The following SGCG variants were observed in gnomAD, a reference collection of about 807,000 sequenced individuals.
SGCG encodes gamma-sarcoglycan.
SGCG carries 26 observed loss-of-function variants against 29.3 expected under a neutral mutation model. That is an observed-to-expected ratio of 0.89 (90% CI 0.65 to 1.23). SGCG has a LOEUF of 1.23. SGCG is among the 50% of genes most tolerant of loss of function. The pLI is 0.00. For synonymous variants in SGCG, 145 were observed against 129.7 expected (o/e 1.12, Z -0.80); for missense variants, 353 against 356.0 (o/e 0.99, Z 0.07).
intron 5 of SGCG, among the ~76,000 whole-genome samples, chr13:23,289,570 G>A (rs1881620966): frequency 1.3e-5 from 2 of 152,160 alleles, no homozygotes; most frequent in Admixed American, 1.3e-4. Flanking sequence ...TCTTTTGTAT[G>A]TGGCGTTTGG....
At chr13:23,300,540 A>G (rs1470834211) in intron 6 of SGCG, among the ~76,000 whole-genome samples, 1 of 152,116 alleles carries the variant, frequency 6.6e-6, no homozygotes, top group Non-Finnish European at 1.5e-5. Flanking sequence ...ATGTCACAAG[A>G]AAGATTGCTA....
chr13:23,282,072 T>G (rs1473847532), intron 5 of SGCG, among the ~76,000 whole-genome samples: 2 of 152,204 alleles, frequency 1.3e-5, no homozygotes, highest in Non-Finnish European at 2.9e-5. Flanking sequence ...ATGCTTTCCT[T>G]GTTATTTTGG....
intron 3 of SGCG, among the ~76,000 whole-genome samples, chr13:23,236,639 C>T (rs1403852745): frequency 6.6e-6 from 1 of 152,092 alleles, no homozygotes; most frequent in Non-Finnish European, 1.5e-5. Context: ...GATCATGCCA[C>T]TGCACTCCAG....
intron 6 of SGCG, among the ~76,000 whole-genome samples, chr13:23,303,955 A>G (rs1882271690): frequency 6.6e-6 from 1 of 152,144 alleles, no homozygotes; most frequent in Non-Finnish European, 1.5e-5. Flanking sequence ...TGCCAATCTG[A>G]TAGATTAGAA....
the SGCG span, among the ~76,000 whole-genome samples, chr13:23,165,920 C>T: frequency 6.6e-6 from 1 of 152,176 alleles, no homozygotes; most frequent in African/African-American, 2.4e-5. Context: ...TATAATTGCT[C>T]ATTAGTTCTA....
chr13:23,317,745 C>A (rs991637577), intron 6 of SGCG, among the ~76,000 whole-genome samples: 2 of 151,996 alleles, frequency 1.3e-5, no homozygotes, highest in African/African-American at 4.8e-5. Flanking sequence ...GTAATTATGA[C>A]CTTATTATCT....
intron 2 of SGCG, among the ~76,000 whole-genome samples, chr13:23,207,557 A>G (rs1489622379): frequency 6.6e-6 from 1 of 152,218 alleles, no homozygotes; most frequent in East Asian, 1.9e-4. Context: ...ATATTTGCAA[A>G]CTATATAACT....
In SGCG at chr13:23,319,636, C is replaced by G. The variant is rs140200827; in HGVS notation, c.579-1001C>G. On this transcript the variant is annotated intron_variant, in intron 6 of 7. Transcript: ENST00000218867. Reference sequence around the variant, plus strand: ...AGGGTACTTCTCTCTTAAGCCACTTCCCTTTCTCTCTGCTCCCTGCCCCTC... The same window carrying G: ...AGGGTACTTCTCTCTTAAGCCACTTGCCTTTCTCTCTGCTCCCTGCCCCTC... 3.1e-4 allele frequency among the ~76,000 whole-genome samples: 47 copies of G among 152,294 alleles called. 1 individual carries two copies. The highest frequency in any genetic ancestry group is 5.1e-4 in the Non-Finnish European group (35 of 68,014).
At chr13:23,192,693 G>T (rs1031161354) in intron 1 of SGCG, among the ~76,000 whole-genome samples, 10 of 152,224 alleles carry the variant, frequency 6.6e-5, no homozygotes, top group African/African-American at 2.4e-4. Context: ...ATGGCGCCCG[G>T]CTGGTAGGGT....
intron 3 of SGCG, among the ~76,000 whole-genome samples, chr13:23,239,574 T>C (rs1220233081): frequency 7.2e-5 from 11 of 152,270 alleles, no homozygotes; most frequent in Non-Finnish European, 1.3e-4. Flanking sequence ...TATGTGGTTA[T>C]ACAAAAAATA....
intron 2 of SGCG, among the ~76,000 whole-genome samples, chr13:23,233,653 T>C (rs1879191710): frequency 6.6e-6 from 1 of 152,186 alleles, no homozygotes; most frequent in South Asian, 2.1e-4. Flanking sequence ...AGATCTGTAC[T>C]CTTAAAAGTG....
chr13:23,198,587 C>G (rs1877608206), intron 1 of SGCG, among the ~76,000 whole-genome samples: 1 of 152,120 alleles, frequency 6.6e-6, no homozygotes, highest in Admixed American at 6.6e-5. Flanking sequence ...TGGCTCATAC[C>G]TATAATCCCA....
At chr13:23,296,596 G>A (rs758018000) in intron 6 of SGCG, among the ~76,000 whole-genome samples, 35 of 116,434 alleles carry the variant, frequency 3.0e-4, no homozygotes, top group East Asian at 1.0e-3. Flanking sequence ...CTCTTCTCCC[G>A]GTCACCCCGG....
Position 23,310,078 on chromosome 13 carries a change from C to CT in SGCG, c.579-10532dup, listed in dbSNP as rs144258130. On this transcript the variant is annotated intron_variant, in intron 6 of 7. Transcript: ENST00000218867. ...CTTAGTATTTTTGCCTTGTTTTTCT[C>CT]TTTTTTTTTTTTTTTTTTTTTTTTT... is the stretch of plus-strand genomic sequence containing the variant. 3.9e-3 allele frequency among the ~76,000 whole-genome samples: 235 copies of CT among 60,756 alleles called. 17 individuals carry two copies. The highest frequency in any genetic ancestry group is 7.5e-3 in the Admixed American group (28 of 3,710). The allele number at this position is 60,756 out of a possible 152,430, so 39.9% of individuals were successfully genotyped here.
the SGCG span, among the ~76,000 whole-genome samples, chr13:23,173,986 A>G: frequency 6.6e-6 from 1 of 152,236 alleles, no homozygotes; most frequent in Non-Finnish European, 1.5e-5. Flanking sequence ...AAAGTTCAGT[A>G]GGAACTATTT....
chr13:23,289,292 A>G (rs977833796), intron 5 of SGCG, among the ~76,000 whole-genome samples: 1 of 152,208 alleles, frequency 6.6e-6, no homozygotes, highest in African/African-American at 2.4e-5. Context: ...CTGGAAGGAC[A>G]TGTATTATCT....
intron 6 of SGCG, 21 bp from the exon 7 acceptor site, chr13:23,320,616 T>G (rs1463433528): frequency 4.3e-6 from 6 of 1,403,322 alleles, no homozygotes; most frequent in African/African-American, 1.6e-5. Context: ...TTTTTTTTTG[T>G]GCTTCTTTTC....
chr13:23,286,299 G>A (rs1044223141), intron 5 of SGCG, among the ~76,000 whole-genome samples: 2 of 152,190 alleles, frequency 1.3e-5, no homozygotes, highest in Non-Finnish European at 2.9e-5. Flanking sequence ...AAGATGTAGG[G>A]TTTAGGAAGT....
At chr13:23,192,252 A>C (rs1294488466) in intron 1 of SGCG, among the ~76,000 whole-genome samples, 4 of 152,084 alleles carry the variant, frequency 2.6e-5, no homozygotes, top group African/African-American at 9.7e-5. Flanking sequence ...TACAGAAGTT[A>C]AAGGGTCTGG....
Sources: gnomAD v4.1 joint callset for allele counts (sites outside exome capture counted in the v4.1 genomes callset) on GRCh38, gnomAD v4.1.1 for gene constraint, MANE v1.5 for transcripts, NCBI Gene and HGNC (gene_info 2026-07-23, HGNC 2026-07-21) for gene names.